Variants in CCSER1 observed in about 807,000 individuals in gnomAD.
CCSER1 encodes serine-rich coiled-coil domain-containing protein 1.
A neutral mutation model predicts 82.0 loss-of-function variants in CCSER1; 41 were observed. The ratio of observed to expected loss-of-function variants is 0.50; its 90% CI spans 0.39 to 0.65. The LOEUF is 0.65. Ranked by LOEUF, CCSER1 falls within the 30% of genes least tolerant of loss-of-function variation. The probability of loss-of-function intolerance (pLI) is 0.00; values close to 1 mark genes in which losing one functional copy is unlikely to be tolerated. For synonymous variants in CCSER1, 414 were observed against 383.9 expected, an observed-to-expected ratio of 1.08 and a Z score of -0.92; for missense variants, 1,119 against 1,064.2, an observed-to-expected ratio of 1.05 and a Z score of -0.72.
intron 10 of CCSER1, among the ~76,000 whole-genome samples, chr4:91,479,186 T>A (rs1318184235): frequency 6.6e-6 from 1 of 151,526 alleles, no homozygotes; most frequent in East Asian, 1.9e-4. Flanking sequence ...TTTTTTTTTT[T>A]AGAATAAAAT....
chr4:90,663,186 A>G (rs1443389866), intron 6 of CCSER1, among the ~76,000 whole-genome samples: 3 of 152,212 alleles, frequency 2.0e-5, no homozygotes, highest in African/African-American at 7.2e-5. Flanking sequence ...AAAGAAAATA[A>G]TAATAAATTG....
Position 91,227,016 on chromosome 4 carries a change from T to G in CCSER1, c.2217+141022T>G, listed in dbSNP as rs374078080. ...GATCCACATCTATTAGCACAGTGCC[T>G]GACATAACTGCACACTCAAAAGCTG... On this transcript the variant is annotated intron_variant, in intron 10 of 10. Transcript: ENST00000509176. 1.7e-4 allele frequency among the ~76,000 whole-genome samples: 26 copies of G among 152,008 alleles called. No individual in the cohort carries two copies. In the East Asian group the frequency reaches 4.8e-3, roughly 28 times the overall value.
intron 4 of CCSER1, among the ~76,000 whole-genome samples, chr4:90,408,399 A>C (rs553023235): frequency 6.6e-6 from 1 of 152,318 alleles, no homozygotes; most frequent in South Asian, 2.1e-4. Flanking sequence ...GGGAGGACTG[A>C]CACCTCACAC....
At chr4:90,290,664 C>G (rs974861729) in intron 1 of CCSER1, among the ~76,000 whole-genome samples, 1 of 151,838 alleles carries the variant, frequency 6.6e-6, no homozygotes, top group Non-Finnish European at 1.5e-5. Context: ...GAAATTGTTG[C>G]TAGTGGCTGC....
At chr4:91,380,525 C>A (rs962650230) in intron 10 of CCSER1, among the ~76,000 whole-genome samples, 1 of 152,116 alleles carries the variant, frequency 6.6e-6, no homozygotes, top group African/African-American at 2.4e-5. Context: ...CTCTTTTGAT[C>A]TTTGATGGTT....
At chr4:90,896,156 G>T (rs1425086197) in intron 8 of CCSER1, among the ~76,000 whole-genome samples, 11 of 151,916 alleles carry the variant, frequency 7.2e-5, no homozygotes, top group Non-Finnish European at 1.3e-4. Context: ...GACCCCTAGG[G>T]TCTATAACGG....
chr4:90,458,165 C>G (rs763376499), intron 4 of CCSER1, among the ~76,000 whole-genome samples: 27 of 152,114 alleles, frequency 1.8e-4, no homozygotes, highest in Non-Finnish European at 7.4e-5. Flanking sequence ...ATAGCCGCAG[C>G]TGGTTTGCTG....
intron 10 of CCSER1, among the ~76,000 whole-genome samples, chr4:91,412,187 G>C (rs1481625165): frequency 6.6e-6 from 1 of 152,042 alleles, no homozygotes; most frequent in African/African-American, 2.4e-5. Context: ...CAACTCCAGA[G>C]CCTATCCCCC....
chr4:90,144,697 T>C (rs1185631724), intron 1 of CCSER1, among the ~76,000 whole-genome samples: 1 of 152,170 alleles, frequency 6.6e-6, no homozygotes, highest in Non-Finnish European at 1.5e-5. Flanking sequence ...AATAATCAAA[T>C]AGGAATTTTT....
intron 3 of CCSER1, among the ~76,000 whole-genome samples, chr4:90,360,031 C>A (rs1745071261): frequency 6.7e-6 from 1 of 148,728 alleles, no homozygotes; most frequent in African/African-American, 2.4e-5. Flanking sequence ...CGATTCCCTG[C>A]CTCAGCCTCT....
At chr4:90,314,376 G>C (rs1351951807) in intron 3 of CCSER1, among the ~76,000 whole-genome samples, 1 of 152,066 alleles carries the variant, frequency 6.6e-6, no homozygotes, top group Non-Finnish European at 1.5e-5. Context: ...TTAAAAGTTA[G>C]GACTAATGAA....
At chr4:91,248,401 C>T (rs546923014) in intron 10 of CCSER1, among the ~76,000 whole-genome samples, 5 of 152,184 alleles carry the variant, frequency 3.3e-5, no homozygotes, top group Non-Finnish European at 7.3e-5. Context: ...AAAAACACTA[C>T]CTCAGTCAGG....
At chr4:91,395,869 G>A (rs10516893) in intron 10 of CCSER1, among the ~76,000 whole-genome samples, 4,887 of 152,038 alleles carry the variant, frequency 0.032, 247 homozygotes, top group African/African-American at 0.11. Flanking sequence ...AACACAACTC[G>A]CCTTACTCCA....
At chr4:90,922,377 A>G (rs1046885878) in intron 8 of CCSER1, among the ~76,000 whole-genome samples, 1 of 151,916 alleles carries the variant, frequency 6.6e-6, no homozygotes. Context: ...GGAATTCTTG[A>G]GAGTGAGGTT....
At chr4:90,860,303 A>G (rs1348798464) in intron 8 of CCSER1, among the ~76,000 whole-genome samples, 1 of 151,658 alleles carries the variant, frequency 6.6e-6, no homozygotes, top group African/African-American at 2.4e-5. Context: ...CCACAATGAG[A>G]TACCACTTGA....
intron 6 of CCSER1, among the ~76,000 whole-genome samples, chr4:90,709,401 T>C (rs974131759): frequency 6.6e-6 from 1 of 151,986 alleles, no homozygotes; most frequent in Non-Finnish European, 1.5e-5. Flanking sequence ...AAGCCCAGGA[T>C]CCATTAGCTA....
chr4:91,474,541 G>T (rs1394088395), intron 10 of CCSER1, among the ~76,000 whole-genome samples: 2 of 151,188 alleles, frequency 1.3e-5, no homozygotes, highest in Admixed American at 6.6e-5. Context: ...TTAAATGGAA[G>T]ACTAATGCCA....
chr4:90,286,587 A>G (rs544214847), intron 1 of CCSER1, among the ~76,000 whole-genome samples: 1 of 152,162 alleles, frequency 6.6e-6, no homozygotes, highest in East Asian at 1.9e-4. Flanking sequence ...TTTCTTATGC[A>G]AAGTGAAATT....
At chr4:91,168,742 G>A (rs556133223) in intron 10 of CCSER1, among the ~76,000 whole-genome samples, 42 of 152,144 alleles carry the variant, frequency 2.8e-4, no homozygotes, top group Admixed American at 3.9e-4. Flanking sequence ...TGACGATGGT[G>A]GTTTTGTTGA....
Sources: allele counts gnomAD v4.1 joint callset (sites outside exome capture counted in the v4.1 genomes callset), GRCh38; gene constraint gnomAD v4.1.1; transcripts MANE v1.5; gene names NCBI Gene and HGNC (gene_info 2026-07-23, HGNC 2026-07-21).